ALDH1A2: variants seen among roughly 807,000 people sequenced by gnomAD.
The protein encoded by ALDH1A2 is aldehyde dehydrogenase 1 family member A2.
A neutral mutation model predicts 60.3 loss-of-function variants in ALDH1A2; 27 were observed. The observed-to-expected ratio is 0.45, with a 90% CI of 0.33 to 0.62. ALDH1A2 has a LOEUF of 0.62. Among genes scored for constraint, ALDH1A2 ranks in the 20% least tolerant of loss-of-function variants. ALDH1A2 has a pLI of 0.02. For missense variants in ALDH1A2, 581 were observed against 643.8 expected, an observed-to-expected ratio of 0.90 and a Z score of 1.06; for synonymous variants, 289 against 232.4, an observed-to-expected ratio of 1.24 and a Z score of -2.21.
At chr15:58,013,010 A>G (rs916685605) in intron 3 of ALDH1A2, among the ~76,000 whole-genome samples, 2 of 152,176 alleles carry the variant, frequency 1.3e-5, no homozygotes, top group Non-Finnish European at 2.9e-5. Context: ...ATTGACTTTT[A>G]TTTTAAAAAC....
intron 1 of ALDH1A2, among the ~76,000 whole-genome samples, chr15:58,061,906 C>G (rs916947200): frequency 6.6e-6 from 1 of 152,030 alleles, no homozygotes; most frequent in African/African-American, 2.4e-5. Context: ...TACTAACAAC[C>G]AATTTTTGGC....
intron 1 of ALDH1A2, among the ~76,000 whole-genome samples, chr15:58,063,718 GTTGT>G (rs1897100083): frequency 6.6e-6 from 1 of 152,162 alleles, no homozygotes; most frequent in Admixed American, 6.5e-5. Context: ...GTTTATGAGG[GTTGT>G]TTGTCAAGGC....
intron 4 of ALDH1A2, among the ~76,000 whole-genome samples, chr15:58,002,333 CTA>C (rs1895302116): frequency 1.3e-5 from 2 of 151,750 alleles, no homozygotes; most frequent in South Asian, 4.2e-4. Flanking sequence ...AGCCACTGTT[CTA>C]TGTTTTTTGA....
At chr15:58,063,697 T>A (rs8027466) in intron 1 of ALDH1A2, among the ~76,000 whole-genome samples, 1 of 152,136 alleles carries the variant, frequency 6.6e-6, no homozygotes, top group African/African-American at 2.4e-5. Context: ...TTTAGATTAG[T>A]GTTACTCAGT....
chr15:58,046,897 A>T (rs780673043), intron 1 of ALDH1A2, among the ~76,000 whole-genome samples: 1 of 152,068 alleles, frequency 6.6e-6, no homozygotes, highest in Non-Finnish European at 1.5e-5. Context: ...ACAGCATCGG[A>T]TTCTTCTAAA....
At chr15:57,978,460 T>A (rs144624378) in intron 7 of ALDH1A2, among the ~76,000 whole-genome samples, 1 of 152,256 alleles carries the variant, frequency 6.6e-6, no homozygotes, top group Non-Finnish European at 1.5e-5. Flanking sequence ...GTTTTTGTCA[T>A]TGGTTCCGTT....
rs145151588 is a variant in ALDH1A2, at chr15:58,005,947, A to G, written c.493+4702T>C. On this transcript the variant is annotated intron_variant, in intron 4 of 12. Transcript: ENST00000249750. ...ATATTTAAGGACTTGCCTACTACCT[A>G]AAATTTATTTGTAACCCAAAAATAA... 2.8e-3 allele frequency among the ~76,000 whole-genome samples: 432 copies of G among 152,024 alleles called. 5 individuals are homozygous for G. Among genetic ancestry groups the G allele is most frequent in the East Asian group, 0.011 (56 of 5,164 alleles).
At chr15:58,027,739 C>T (rs896720904) in intron 1 of ALDH1A2, among the ~76,000 whole-genome samples, 1 of 152,026 alleles carries the variant, frequency 6.6e-6, no homozygotes, top group Non-Finnish European at 1.5e-5. Context: ...GGCACCAGAA[C>T]TTCGTAATGC....
At chr15:57,991,604 A>G (rs1595647514) in intron 7 of ALDH1A2, 1 of 152,236 alleles carries the variant, frequency 6.6e-6, no homozygotes, top group Non-Finnish European at 1.5e-5. Flanking sequence ...CTGTCAATGT[A>G]AAACACATAC....
intron 7 of ALDH1A2, among the ~76,000 whole-genome samples, chr15:57,992,200 G>T (rs1324662115): frequency 6.6e-6 from 1 of 152,150 alleles, no homozygotes; most frequent in African/African-American, 2.4e-5. Flanking sequence ...CTGAGTAGTT[G>T]CAACAGAGAC....
At chr15:58,041,989 T>G (rs1370874168) in intron 1 of ALDH1A2, among the ~76,000 whole-genome samples, 1 of 151,932 alleles carries the variant, frequency 6.6e-6, no homozygotes, top group East Asian at 1.9e-4. Flanking sequence ...CTCACCTGAC[T>G]GTGGAAAGCA....
At chr15:58,035,204 C>T (rs897696124) in intron 1 of ALDH1A2, among the ~76,000 whole-genome samples, 3 of 151,650 alleles carry the variant, frequency 2.0e-5, no homozygotes, top group African/African-American at 7.2e-5. Flanking sequence ...TGAATTGGCC[C>T]ATTTCACCTA....
chr15:58,023,953 C>G (rs887376586), intron 1 of ALDH1A2, among the ~76,000 whole-genome samples: 8 of 152,060 alleles, frequency 5.3e-5, no homozygotes, highest in African/African-American at 1.9e-4. Flanking sequence ...ATTAGCCAGG[C>G]GTGGTGGCAC....
intron 5 of ALDH1A2, among the ~76,000 whole-genome samples, chr15:57,994,353 A>T (rs1894984857): frequency 6.6e-6 from 1 of 152,178 alleles, no homozygotes; most frequent in African/African-American, 2.4e-5. Flanking sequence ...CTTGAGTTAT[A>T]CTACTGTACT....
At chr15:58,016,795 A>C (rs1394522704) in intron 1 of ALDH1A2, among the ~76,000 whole-genome samples, 2 of 152,186 alleles carry the variant, frequency 1.3e-5, no homozygotes, top group Admixed American at 6.5e-5. Flanking sequence ...CTAGAAATGA[A>C]TGTCACCACT....
chr15:57,980,215 G>T (rs957238651), intron 7 of ALDH1A2: 2 of 323,670 alleles, frequency 6.2e-6, no homozygotes, highest in South Asian at 5.7e-5. Flanking sequence ...CTGAGTATTT[G>T]ATGCCAATGT....
rs1180694453 is a variant in ALDH1A2, at chr15:58,010,744, A to C, written c.398T>G (p.Leu133Arg). Reference sequence around the variant, plus strand: ...CTGCAAATCCACATAAAAAGCTTGCAGGAATGGTTTGCCACCATTTAGGGA... The same window carrying C: ...CTGCAAATCCACATAAAAAGCTTGCCGGAATGGTTTGCCACCATTTAGGGA... Reference protein sequence around the residue: ...MESLNGGKPFLQAFYVDLQGV... With the variant: ...MESLNGGKPFRQAFYVDLQGV... Residue 133 changes from leucine (L) to arginine (R), a missense_variant, in exon 4 of 13, where the codon CTG becomes CGG. Transcript: ENST00000249750. 1 of 1,613,558 alleles carries C rather than the reference A, an allele frequency of 6.2e-7. No individual in the cohort carries two copies. Among genetic ancestry groups the C allele is most frequent in the Non-Finnish European group, 8.5e-7 (1 of 1,179,534 alleles).
At chr15:58,005,888 T>C (rs1423751527) in intron 4 of ALDH1A2, among the ~76,000 whole-genome samples, 1 of 151,930 alleles carries the variant, frequency 6.6e-6, no homozygotes, top group Non-Finnish European at 1.5e-5. Context: ...AAGTAGGCTC[T>C]AGATACAGTC....
At chr15:57,984,550 A>C (rs1187767579) in intron 7 of ALDH1A2, among the ~76,000 whole-genome samples, 2 of 152,194 alleles carry the variant, frequency 1.3e-5, no homozygotes, top group Non-Finnish European at 2.9e-5. Flanking sequence ...AGTCCTTTGC[A>C]ACCACTAATC....
Sources: gnomAD v4.1 joint callset for allele counts (sites outside exome capture counted in the v4.1 genomes callset) on GRCh38, gnomAD v4.1.1 for gene constraint, MANE v1.5 for transcripts, NCBI Gene and HGNC (gene_info 2026-07-23, HGNC 2026-07-21) for gene names.